ANK3: variants seen among roughly 807,000 people sequenced by gnomAD.
The protein encoded by ANK3 is ankyrin-3.
A neutral mutation model predicts 370.9 loss-of-function variants in ANK3; 57 were observed. The ratio of observed to expected loss-of-function variants is 0.15; its 90% CI spans 0.12 to 0.19. ANK3 has a LOEUF of 0.19. Ranked by LOEUF, ANK3 falls within the 10% of genes least tolerant of loss-of-function variation. The probability of loss-of-function intolerance (pLI) is 1.00; values close to 1 mark genes in which losing one functional copy is unlikely to be tolerated. For synonymous variants in ANK3, 1,929 were observed against 1,946.3 expected (o/e 0.99, Z 0.23); for missense variants, 4,439 against 5,302.1 (o/e 0.84, Z 5.06).
At chr10:60,498,869 T>C (rs1256026860) in intron 2 of ANK3, among the ~76,000 whole-genome samples, 1 of 152,206 alleles carries the variant, frequency 6.6e-6, no homozygotes, top group Non-Finnish European at 1.5e-5. Context: ...AAACAATCAA[T>C]ATACCTATGT....
At chr10:60,681,852 C>A (rs1048871317) in intron 1 of ANK3, among the ~76,000 whole-genome samples, 10 of 152,050 alleles carry the variant, frequency 6.6e-5, no homozygotes, top group African/African-American at 2.4e-4. Flanking sequence ...TAGAAAATGC[C>A]CCTAAAAGAT....
intron 21 of ANK3, among the ~76,000 whole-genome samples, chr10:60,170,007 C>T (rs977773492): frequency 6.6e-6 from 1 of 152,156 alleles, no homozygotes; most frequent in Non-Finnish European, 1.5e-5. Flanking sequence ...TTAGATTCAG[C>T]CATTTCTCCA....
intron 2 of ANK3, among the ~76,000 whole-genome samples, chr10:60,487,557 G>A (rs1315351372): frequency 6.7e-6 from 1 of 150,234 alleles, no homozygotes; most frequent in Non-Finnish European, 1.5e-5. Flanking sequence ...TGGTGGCAGT[G>A]CAGAGGGAGG....
At chr10:60,108,022 A>AT (rs746713187) in intron 27 of ANK3, among the ~76,000 whole-genome samples, 7 of 151,774 alleles carry the variant, frequency 4.6e-5, no homozygotes, top group Non-Finnish European at 8.8e-5. Context: ...AGCCACTATG[A>AT]TTTTTTTTTC....
chr10:60,698,131 G>C (rs1044179767), intron 1 of ANK3, among the ~76,000 whole-genome samples: 2 of 151,848 alleles, frequency 1.3e-5, no homozygotes, highest in Non-Finnish European at 2.9e-5. Context: ...CATTTATGCA[G>C]CCAAAAAAAA....
Position 60,072,892 on chromosome 10 carries a change from C to T in ANK3, c.7989G>A (p.Glu2663=), listed in dbSNP as rs769238324. ...GPDGQGFPKA[E]EKAPSLPSSP... is the part of the protein sequence containing the mutation. ...TGCTGGGCAGACTGGGTGCCTTCTCCTCGGCCTTGGGGAAGCCTTGTCCAT... is the reference window on the plus strand; with the variant it reads ...TGCTGGGCAGACTGGGTGCCTTCTCTTCGGCCTTGGGGAAGCCTTGTCCAT... The change falls in exon 37 of 44, where the codon GAG becomes GAA. Residue 2663 remains glutamate, a synonymous_variant. Coordinates refer to ENST00000280772, the MANE Select transcript of ANK3 (RefSeq NM_020987.5). 1 of 1,614,108 alleles carries T rather than the reference C, an allele frequency of 6.2e-7. No individual in the cohort carries two copies. Among genetic ancestry groups the T allele is most frequent in the South Asian group, 1.1e-5 (1 of 91,082 alleles).
chr10:60,661,158 GTT>G (rs568439558), intron 1 of ANK3, among the ~76,000 whole-genome samples: 2 of 141,684 alleles, frequency 1.4e-5, no homozygotes, highest in Non-Finnish European at 3.1e-5. Flanking sequence ...AAGTGTTTTG[GTT>G]TTTTTTTTTT....
rs2132979508 is a variant in ANK3 at position 60,431,701 on chromosome 10, G to A, written c.97-152062C>T. Among the ~76,000 whole-genome samples, 2 of 152,246 alleles carry A rather than the reference G, an allele frequency of 1.3e-5. 1 individual carries two copies. The highest frequency in any genetic ancestry group is 4.2e-4 in the South Asian group (2 of 4,812). On this transcript the variant is annotated intron_variant, in intron 2 of 43. Coordinates refer to the ANK3 transcript ENST00000373827. ...ATTAGGAGAAATACCTAATGTAGGTGACGGGTGGGAGGGTGCAGCAAACCA... is the reference window on the plus strand; with the variant it reads ...ATTAGGAGAAATACCTAATGTAGGTAACGGGTGGGAGGGTGCAGCAAACCA...
chr10:60,379,147 A>G (rs2061210909), intron 1 of ANK3, among the ~76,000 whole-genome samples: 1 of 152,178 alleles, frequency 6.6e-6, no homozygotes, highest in African/African-American at 2.4e-5. Context: ...CAAAACCACA[A>G]TGAGGTATCA....
chr10:60,083,310 C>T (rs549928873), intron 33 of ANK3, among the ~76,000 whole-genome samples, 182 bp downstream of exon 33: 1 of 152,216 alleles, frequency 6.6e-6, no homozygotes, highest in South Asian at 2.1e-4. Flanking sequence ...ATCCTTTTTA[C>T]CAATTGTAAA....
chr10:60,142,331 C>T (rs10994219), intron 23 of ANK3, among the ~76,000 whole-genome samples: 1,668 of 152,212 alleles, frequency 0.011, 15 homozygotes, highest in Non-Finnish European at 0.015. Context: ...TAGAAGCCGT[C>T]GCACCCTCTA....
intron 16 of ANK3, among the ~76,000 whole-genome samples, chr10:60,193,080 G>A (rs1414324804): frequency 6.6e-6 from 1 of 152,148 alleles, no homozygotes; most frequent in Non-Finnish European, 1.5e-5. Context: ...TGAAGACAGG[G>A]ATTATTGGAC....
At chr10:60,696,880 A>G (rs2079463666) in intron 1 of ANK3, among the ~76,000 whole-genome samples, 2 of 144,628 alleles carry the variant, frequency 1.4e-5, no homozygotes, top group African/African-American at 2.7e-5. Context: ...CCTATTCAAC[A>G]TAGTGTTGGA....
intron 2 of ANK3, among the ~76,000 whole-genome samples, chr10:60,449,424 A>G (rs990247188): frequency 6.6e-6 from 1 of 152,194 alleles, no homozygotes; most frequent in African/African-American, 2.4e-5. Context: ...ACATATTTCA[A>G]GTGTTCAGTA....
chr10:60,198,687 A>G (rs1171756068), intron 13 of ANK3, 150 bp from the exon 14 acceptor site: 6 of 669,226 alleles, frequency 9.0e-6, no homozygotes, highest in Admixed American at 7.6e-5. Context: ...TTTTTCTTCA[A>G]TGCTCAGAAA....
intron 8 of ANK3, among the ~76,000 whole-genome samples, chr10:60,215,453 T>G (rs1203032626): frequency 1.3e-5 from 2 of 152,224 alleles, no homozygotes; most frequent in Non-Finnish European, 2.9e-5. Flanking sequence ...TGCTGAATGC[T>G]ATTGCCTAGG....
chr10:60,445,235 C>CA, intron 2 of ANK3, among the ~76,000 whole-genome samples: 1 of 151,854 alleles, frequency 6.6e-6, no homozygotes, highest in Non-Finnish European at 1.5e-5. Context: ...CAAAGATATA[C>CA]AAAAAATAGC....
intron 2 of ANK3, among the ~76,000 whole-genome samples, chr10:60,575,706 C>T (rs2077674369): frequency 6.6e-6 from 1 of 151,998 alleles, no homozygotes; most frequent in South Asian, 2.1e-4. Context: ...GAGTTAAGGC[C>T]TTAAATCATC....
chr10:60,561,711 T>C (rs930442999), intron 2 of ANK3, among the ~76,000 whole-genome samples: 1 of 152,226 alleles, frequency 6.6e-6, no homozygotes, highest in Non-Finnish European at 1.5e-5. Context: ...CAAATGATGT[T>C]TCTTCCTCAG....
Sources: allele counts gnomAD v4.1 joint callset (sites outside exome capture counted in the v4.1 genomes callset), GRCh38; gene constraint gnomAD v4.1.1; transcripts MANE v1.5; gene names NCBI Gene and HGNC (gene_info 2026-07-23, HGNC 2026-07-21).